VTI1A: variants seen among roughly 807,000 people sequenced by gnomAD.
VTI1A encodes vesicle transport through interaction with t-SNAREs homolog 1A.
VTI1A carries 22 observed loss-of-function variants against 34.9 expected under a neutral mutation model. That is an observed-to-expected ratio of 0.63 (90% CI 0.45 to 0.90). The LOEUF is 0.90. Ranked by LOEUF, VTI1A falls within the 40% of genes least tolerant of loss-of-function variation. The pLI is 0.00. For synonymous variants in VTI1A, 87 were observed against 97.3 expected, an observed-to-expected ratio of 0.89 and a Z score of 0.62; for missense variants, 268 against 275.6, an observed-to-expected ratio of 0.97 and a Z score of 0.20.
At chr10:112,719,906 C>T (rs1287971225) in intron 7 of VTI1A, among the ~76,000 whole-genome samples, 1 of 152,162 alleles carries the variant, frequency 6.6e-6, no homozygotes, top group African/African-American at 2.4e-5. Context: ...TAGTCACTCC[C>T]ACTTTCCTGC....
intron 5 of VTI1A, among the ~76,000 whole-genome samples, chr10:112,625,064 C>T (rs1424687579): frequency 3.3e-5 from 5 of 152,162 alleles, no homozygotes; most frequent in African/African-American, 1.2e-4. Context: ...TGCCACTGTA[C>T]TCCAGCCTGA....
the VTI1A span, among the ~76,000 whole-genome samples, chr10:112,832,803 C>G: frequency 6.6e-6 from 1 of 152,208 alleles, no homozygotes; most frequent in Non-Finnish European, 1.5e-5. Context: ...CAAGAGGCTC[C>G]TCTGTGGGCC....
chr10:112,699,914 T>A (rs1411315635), intron 7 of VTI1A, among the ~76,000 whole-genome samples: 2 of 144,460 alleles, frequency 1.4e-5, no homozygotes, highest in Admixed American at 6.9e-5. Context: ...AGGTCAGGAG[T>A]TCAAGACCAG....
At chr10:112,703,013 T>C (rs989574610) in intron 7 of VTI1A, among the ~76,000 whole-genome samples, 1 of 152,226 alleles carries the variant, frequency 6.6e-6, no homozygotes, top group Non-Finnish European at 1.5e-5. Flanking sequence ...GTGATCTGAT[T>C]TTTTTAATCA....
chr10:112,497,228 G>C (rs143254702), intron 3 of VTI1A, among the ~76,000 whole-genome samples: 1 of 151,846 alleles, frequency 6.6e-6, no homozygotes, highest in African/African-American at 2.4e-5. Context: ...TGAGGCAGGC[G>C]AATCACTTGA....
intron 3 of VTI1A, among the ~76,000 whole-genome samples, chr10:112,521,678 A>G (rs973188346): frequency 1.6e-4 from 25 of 152,066 alleles, no homozygotes; most frequent in African/African-American, 5.8e-4. Context: ...GTGCTTTTCC[A>G]TCCATCCTAA....
chr10:112,461,555 G>T (rs1035125256), intron 2 of VTI1A, among the ~76,000 whole-genome samples: 1 of 152,184 alleles, frequency 6.6e-6, no homozygotes, highest in Admixed American at 6.5e-5. Flanking sequence ...TAAACTCAGA[G>T]CTCTGGTTCA....
intron 7 of VTI1A, among the ~76,000 whole-genome samples, chr10:112,775,530 C>T (rs183721956): frequency 6.6e-6 from 1 of 152,274 alleles, no homozygotes; most frequent in African/African-American, 2.4e-5. Flanking sequence ...ATTTTTCCTT[C>T]CACTGCTGCA....
intron 7 of VTI1A, among the ~76,000 whole-genome samples, chr10:112,719,589 C>T (rs112709328): frequency 0.039 from 5,857 of 151,892 alleles, 381 homozygotes; most frequent in African/African-American, 0.13. Flanking sequence ...TCTTGTTGCC[C>T]AGGCTGCAGT....
rs984739968 is a variant in VTI1A, at chr10:112,762,704, G to A, written c.561-52586G>A. Among the ~76,000 whole-genome samples, 6 of 152,066 alleles carry A rather than the reference G, an allele frequency of 3.9e-5. No individual in the cohort carries two copies. The East Asian group carries it at 5.8e-4, about 15-fold the overall frequency. On this transcript the variant is annotated intron_variant, in intron 7 of 7. Coordinates refer to ENST00000393077, the MANE Select transcript of VTI1A (RefSeq NM_145206.4). The stretch of plus-strand genomic sequence containing the variant: ...TCCAATTTCTCATTAATATCTACCC[G>A]GAAGAGAGTTGTTGAATATGAGGCT...
chr10:112,457,963 G>T (rs931863492), intron 1 of VTI1A, among the ~76,000 whole-genome samples: 4 of 152,238 alleles, frequency 2.6e-5, no homozygotes, highest in African/African-American at 7.2e-5. Context: ...GCAAAGGAAG[G>T]GTTATTAATC....
At chr10:112,621,048 TG>T (rs149741356) in intron 5 of VTI1A, among the ~76,000 whole-genome samples, 1 of 152,354 alleles carries the variant, frequency 6.6e-6, no homozygotes, top group African/African-American at 2.4e-5. Context: ...TGAAATCTGT[TG>T]AAAAATTGCC....
chr10:112,518,722 A>G (rs541728821), intron 3 of VTI1A, among the ~76,000 whole-genome samples: 1 of 151,328 alleles, frequency 6.6e-6, no homozygotes, highest in South Asian at 2.1e-4. Flanking sequence ...TACACTTAAA[A>G]GTGTTGATAT....
In VTI1A at chr10:112,541,125, T is replaced by A. The variant is rs145302144; in HGVS notation, c.427+2795T>A. On this transcript the variant is annotated intron_variant, in intron 5 of 7. Coordinates refer to ENST00000393077, the MANE Select transcript of VTI1A (RefSeq NM_145206.4). ...TGTGATTGAAATAGTAGGTAGAAGT[T>A]ATTTTTTTTTCTTTACTTAGAAGAA... Among the ~76,000 whole-genome samples, 425 of 152,342 alleles carry A rather than the reference T, an allele frequency of 2.8e-3. 3 individuals carry two copies. Among genetic ancestry groups the A allele is most frequent in the African/African-American group, 9.5e-3 (394 of 41,592 alleles).
chr10:112,627,801 G>A (rs1023421966), intron 5 of VTI1A, among the ~76,000 whole-genome samples: 5 of 152,104 alleles, frequency 3.3e-5, no homozygotes, highest in African/African-American at 4.8e-5. Context: ...CATTATAATA[G>A]TGAGACAGGC....
intron 7 of VTI1A, among the ~76,000 whole-genome samples, chr10:112,704,173 A>G (rs55651239): frequency 0.02 from 3,057 of 152,332 alleles, 69 homozygotes; most frequent in African/African-American, 0.063. Flanking sequence ...CGTATTAACA[A>G]TAAACCAGAG....
intron 5 of VTI1A, among the ~76,000 whole-genome samples, chr10:112,591,984 G>T (rs1419748873): frequency 3.3e-5 from 5 of 152,182 alleles, no homozygotes; most frequent in Non-Finnish European, 7.3e-5. Flanking sequence ...TTGAACGTGA[G>T]AAGGACCAAA....
intron 5 of VTI1A, among the ~76,000 whole-genome samples, chr10:112,547,666 A>G (rs1224353383): frequency 6.6e-6 from 1 of 152,126 alleles, no homozygotes; most frequent in Non-Finnish European, 1.5e-5. Flanking sequence ...GTTTTACATG[A>G]TATGTTCAGT....
intron 7 of VTI1A, among the ~76,000 whole-genome samples, chr10:112,732,468 G>A (rs575319003): frequency 6.6e-6 from 1 of 152,260 alleles, no homozygotes; most frequent in East Asian, 1.9e-4. Flanking sequence ...ACTATGAATG[G>A]ACAAGGGTTT....
Sources: allele counts gnomAD v4.1 joint callset (sites outside exome capture counted in the v4.1 genomes callset), GRCh38; gene constraint gnomAD v4.1.1; transcripts MANE v1.5; gene names NCBI Gene and HGNC (gene_info 2026-07-23, HGNC 2026-07-21).